DSCAM: variants seen among roughly 807,000 people sequenced by gnomAD.
DSCAM encodes cell adhesion molecule DSCAM.
Under a neutral mutation model 217.7 loss-of-function variants are expected in DSCAM, and 47 were observed. That is an observed-to-expected ratio of 0.22 (90% CI 0.17 to 0.28). The LOEUF (loss-of-function observed/expected upper bound fraction) is 0.28, where lower values mean the gene tolerates loss of function less well. Among genes scored for constraint, DSCAM ranks in the 10% least tolerant of loss-of-function variants. The pLI, the probability that DSCAM is intolerant of heterozygous loss-of-function variation, is 1.00. For missense variants in DSCAM, 2,080 were observed against 2,618.3 expected (o/e 0.79, Z 4.49); for synonymous variants, 1,056 against 1,015.3 (o/e 1.04, Z -0.76).
chr21:40,783,448 C>T (rs977338425), intron 1 of DSCAM, among the ~76,000 whole-genome samples: 11 of 151,498 alleles, frequency 7.3e-5, no homozygotes, highest in South Asian at 2.1e-4. Context: ...CGTGTGTGTG[C>T]GTGTGTGTGT....
intron 10 of DSCAM, among the ~76,000 whole-genome samples, chr21:40,295,533 G>A (rs185243289): frequency 3.5e-4 from 53 of 152,222 alleles, no homozygotes; most frequent in African/African-American, 7.2e-4. Context: ...GACATTGGGC[G>A]TGTTTGTTTT....
chr21:40,084,559 A>T (rs1188258981), intron 23 of DSCAM, among the ~76,000 whole-genome samples: 1 of 142,856 alleles, frequency 7.0e-6, no homozygotes, highest in Non-Finnish European at 1.6e-5. Context: ...CACACACAGA[A>T]AATCAAAAGC....
rs183146331 is a variant in DSCAM, at chr21:40,235,809, C to A, written c.2356+40288G>T. ...ATCAGGTCCCTTTACACTGCACCAA[C>A]AGCCATCATCATTACTGAGAGAGCT... On this transcript the variant is annotated intron_variant, in intron 11 of 32. Coordinates refer to ENST00000400454, the MANE Select transcript of DSCAM (RefSeq NM_001389.5). 3.5e-3 allele frequency among the ~76,000 whole-genome samples: 536 copies of A among 152,018 alleles called. 1 individual carries two copies. The highest frequency in any genetic ancestry group is 6.3e-3 in the Non-Finnish European group (430 of 67,976).
At chr21:40,303,904 T>C (rs2074043349) in intron 9 of DSCAM, among the ~76,000 whole-genome samples, 1 of 152,180 alleles carries the variant, frequency 6.6e-6, no homozygotes, top group Non-Finnish European at 1.5e-5. Flanking sequence ...AAAACGGCCC[T>C]CCTTTGGAAT....
At chr21:40,818,282 C>G (rs1305204273) in intron 1 of DSCAM, among the ~76,000 whole-genome samples, 1 of 151,300 alleles carries the variant, frequency 6.6e-6, no homozygotes, top group East Asian at 2.0e-4. Context: ...TGCAGTGGCT[C>G]ACGCCTGTAA....
intron 11 of DSCAM, among the ~76,000 whole-genome samples, chr21:40,202,094 A>G (rs1437929112): frequency 6.6e-6 from 1 of 152,148 alleles, no homozygotes; most frequent in African/African-American, 2.4e-5. Context: ...CTGCCATGAT[A>G]TCACCAGGAT....
intron 27 of DSCAM, among the ~76,000 whole-genome samples, chr21:40,071,661 C>T (rs551991004): frequency 3.8e-4 from 58 of 152,282 alleles, no homozygotes; most frequent in Middle Eastern, 3.4e-3. Flanking sequence ...TGGTTGCTCA[C>T]GCAACACTGA....
intron 4 of DSCAM, among the ~76,000 whole-genome samples, chr21:40,361,905 C>T (rs1208753045): frequency 6.6e-6 from 1 of 152,150 alleles, no homozygotes; most frequent in Non-Finnish European, 1.5e-5. Flanking sequence ...AGCTAGCCCT[C>T]CTCCTTTCTC....
intron 23 of DSCAM, among the ~76,000 whole-genome samples, chr21:40,085,080 T>C (rs974297911): frequency 2.6e-5 from 4 of 152,244 alleles, no homozygotes; most frequent in African/African-American, 7.2e-5. Context: ...TCTTTTGAAG[T>C]TGTGCACATT....
chr21:40,749,651 G>A (rs1227154944), intron 1 of DSCAM, among the ~76,000 whole-genome samples: 3 of 152,142 alleles, frequency 2.0e-5, no homozygotes, highest in Non-Finnish European at 4.4e-5. Flanking sequence ...TAGCCATTAT[G>A]GAAAGAGGCA....
intron 11 of DSCAM, among the ~76,000 whole-genome samples, chr21:40,232,574 T>A (rs557063103): frequency 6.6e-6 from 1 of 152,196 alleles, no homozygotes; most frequent in Non-Finnish European, 1.5e-5. Context: ...TGACATTTCA[T>A]GTTTTCTCAG....
chr21:40,593,215 G>A (rs1452502427), intron 3 of DSCAM, among the ~76,000 whole-genome samples: 2 of 151,812 alleles, frequency 1.3e-5, no homozygotes, highest in Non-Finnish European at 2.9e-5. Context: ...AATAATTCTT[G>A]AAATTGTTGG....
intron 10 of DSCAM, among the ~76,000 whole-genome samples, chr21:40,280,056 C>T (rs1289313013): frequency 6.6e-6 from 1 of 151,938 alleles, no homozygotes; most frequent in Non-Finnish European, 1.5e-5. Flanking sequence ...TGCAGCAAAC[C>T]ACCGTGGCAC....
At chr21:40,792,433 T>C (rs1443611581) in intron 1 of DSCAM, among the ~76,000 whole-genome samples, 3 of 152,180 alleles carry the variant, frequency 2.0e-5, no homozygotes, top group African/African-American at 7.2e-5. Flanking sequence ...CATCTCCTCT[T>C]CTTAAATACC....
At chr21:40,523,435 G>C (rs535339446) in intron 3 of DSCAM, among the ~76,000 whole-genome samples, 1 of 152,104 alleles carries the variant, frequency 6.6e-6, no homozygotes, top group Non-Finnish European at 1.5e-5. Flanking sequence ...GGAATGCACC[G>C]GCCTAAGAGC....
At chr21:40,350,045 C>CTATTAT (rs541852095) in intron 5 of DSCAM, among the ~76,000 whole-genome samples, 2 of 151,750 alleles carry the variant, frequency 1.3e-5, no homozygotes, top group Non-Finnish European at 2.9e-5. Flanking sequence ...TAATCTTCTC[C>CTATTAT]TATTATTATT....
chr21:40,601,453 T>C (rs1022607380), intron 3 of DSCAM, among the ~76,000 whole-genome samples: 2 of 152,332 alleles, frequency 1.3e-5, no homozygotes, highest in Admixed American at 6.5e-5. Context: ...ATGTCATCTG[T>C]GAACAAGGAC....
At chr21:40,174,945 T>C (rs1303620633) in intron 15 of DSCAM, among the ~76,000 whole-genome samples, 2 of 152,180 alleles carry the variant, frequency 1.3e-5, no homozygotes, top group Non-Finnish European at 2.9e-5. Flanking sequence ...TCACTGGAGC[T>C]CTGATGGGGG....
intron 3 of DSCAM, among the ~76,000 whole-genome samples, chr21:40,655,689 G>A (rs2090067432): frequency 6.6e-6 from 1 of 151,942 alleles, no homozygotes. Flanking sequence ...CTGGATGCAA[G>A]TGATCCTCCT....
Sources: allele counts gnomAD v4.1 joint callset (sites outside exome capture counted in the v4.1 genomes callset), GRCh38; gene constraint gnomAD v4.1.1; transcripts MANE v1.5; gene names NCBI Gene and HGNC (gene_info 2026-07-23, HGNC 2026-07-21).